Variants in LTBP4 observed in about 807,000 individuals in gnomAD.
The protein encoded by LTBP4 is latent transforming growth factor beta binding protein 4, also known as latent-transforming growth factor beta-binding protein 4.
A neutral mutation model predicts 180.2 loss-of-function variants in LTBP4; 93 were observed. That is an observed-to-expected ratio of 0.52 (90% CI 0.44 to 0.61). The LOEUF (loss-of-function observed/expected upper bound fraction) is 0.61. Ranked by LOEUF, LTBP4 falls within the 20% of genes least tolerant of loss-of-function variation. The pLI, the probability that LTBP4 is intolerant of heterozygous loss-of-function variation, is 0.00. For synonymous variants in LTBP4, 947 were observed against 934.5 expected, an observed-to-expected ratio of 1.01 and a Z score of -0.24; for missense variants, 2,116 against 2,256.5, an observed-to-expected ratio of 0.94 and a Z score of 1.26.
intron 22 of LTBP4, 30 bp downstream of exon 22, chr19:40,619,523 G>A (rs371641114): frequency 5.7e-6 from 9 of 1,573,254 alleles, no homozygotes; most frequent in Non-Finnish European, 7.8e-6. Context: ...TTAACTGATG[G>A]CGGCTGGCCC....
At chr19:40,606,561 G>T in intron 6 of LTBP4, 35 bp downstream of exon 6, 1 of 1,471,588 alleles carries the variant, frequency 6.8e-7, no homozygotes. Flanking sequence ...GCTGGGTCCC[G>T]CCCTCCCTGC....
At position 40,611,497 on chromosome 19, in the gene LTBP4, A is replaced by G. The variant is rs1213921037; in HGVS notation, c.2053+103A>G. 2 of 1,478,848 alleles carry G rather than the reference A, an allele frequency of 1.4e-6. No individual in the cohort carries two copies. Among genetic ancestry groups the G allele is most frequent in the Non-Finnish European group, 1.8e-6 (2 of 1,109,808 alleles). 91.6% of individuals were successfully genotyped at this position (1,478,848 alleles called of 1,614,324 possible). ...GCAGAGTGATGGGGCTCAGGGATGG[A>G]GAACAGGGGCTGAGGGATGGGGACC... On this transcript the variant is annotated intron_variant, in intron 13 of 29. Coordinates refer to ENST00000396819, the MANE Select transcript of LTBP4 (RefSeq NM_001042545.2). This position sits in a 1 kb window ranked among gnomAD's most constrained non-coding sequence, Gnocchi z 4.4.
At chr19:40,625,277 TATATATATATATATATATA>T (rs2081619097) in intron 26 of LTBP4, among the ~76,000 whole-genome samples, 8 of 7,686 alleles carry the variant, frequency 1.0e-3, no homozygotes, top group African/African-American at 3.1e-3. Flanking sequence ...TATATATATA[TATATATATATATATATATA>T]TATATATATA....
In LTBP4 at chr19:40,623,748, C is replaced by T; in HGVS notation, c.3685+16C>T. 6.2e-7 allele frequency: 1 copy of T among 1,613,354 alleles called. No individual in the cohort carries two copies. The highest frequency in any genetic ancestry group is 8.5e-7 in the Non-Finnish European group (1 of 1,179,426). ...GAGTGCATCGGTACAAGCCCCACCT[C>T]CCCCAACCCCCGGCAACTCTCTCCA... On this transcript the variant is annotated intron_variant, in intron 25 of 29. Coordinates refer to ENST00000396819, the MANE Select transcript of LTBP4 (RefSeq NM_001042545.2).
At chr19:40,604,818 G>T (rs1342839133) in intron 1 of LTBP4, among the ~76,000 whole-genome samples, 1 of 152,194 alleles carries the variant, frequency 6.6e-6, no homozygotes, top group Non-Finnish European at 1.5e-5. Context: ...TCCAGCCTGG[G>T]CAATAGAGCG....
At chr19:40,608,395 T>A (rs2081479328) in intron 8 of LTBP4, 26 bp downstream of exon 8, 1 of 1,608,980 alleles carries the variant, frequency 6.2e-7, no homozygotes, top group Non-Finnish European at 8.5e-7. Flanking sequence ...CAGAAGTGGG[T>A]GCCATCTTCA....
In LTBP4 at chr19:40,610,610, T is replaced by C. The variant is rs760497129; in HGVS notation, c.1763T>C (p.Val588Ala). The C allele has an allele frequency of 2.5e-6, 4 of 1,588,786 alleles. No individual in the cohort carries two copies. The highest frequency in any genetic ancestry group is 3.4e-6 in the Non-Finnish European group (4 of 1,174,700). The change falls in exon 12 of 30, where the codon GTG becomes GCG. Residue 588 changes from valine to alanine, a missense_variant. By Grantham distance (64) the Val-to-Ala change is moderately conservative (BLOSUM62 0). Around this residue, in one of 5 missense-constraint regions of LTBP4, gnomAD observed 877 missense variants for 873.6 expected, o/e 1.00. Transcript: ENST00000396819. ...AACACGCCAGGCAGCTTCCTGTGCGTGTGCCCCGCCGGGTACCAGGCTGCA... is the reference window on the plus strand; with the variant it reads ...AACACGCCAGGCAGCTTCCTGTGCGCGTGCCCCGCCGGGTACCAGGCTGCA... ...CENTPGSFLC[V>A]CPAGYQAAPH...
In LTBP4 at chr19:40,622,058, A is replaced by G. The variant is rs1169511921; in HGVS notation, c.3218-343A>G. On this transcript the variant is annotated intron_variant, in intron 22 of 29. Transcript: ENST00000396819. The surrounding 1 kb of genome is among the most constrained non-coding windows in gnomAD (Gnocchi z 5.1). ...GCCACTGCACCTGGCGACAAATTGT[A>G]GGTTTTGAGATGAAGACTCAGCCAG... Among the ~76,000 whole-genome samples, 2 of 152,108 alleles carry G rather than the reference A, an allele frequency of 1.3e-5. No individual in the cohort carries two copies. Among genetic ancestry groups the G allele is most frequent in the Non-Finnish European group, 2.9e-5 (2 of 68,016 alleles).
intron 26 of LTBP4, among the ~76,000 whole-genome samples, chr19:40,624,581 TAG>T (rs2081611197): frequency 6.6e-6 from 1 of 152,224 alleles, no homozygotes; most frequent in Non-Finnish European, 1.5e-5. Flanking sequence ...TTTTCTTTAG[TAG>T]AGACAGGGTT....
Position 40,614,002 on chromosome 19 carries a change from G to A in LTBP4, c.2644G>A (p.Gly882Arg). 4 of 1,613,478 alleles carry A rather than the reference G, an allele frequency of 2.5e-6. No individual in the cohort carries two copies. Among genetic ancestry groups the A allele is most frequent in the Non-Finnish European group, 3.4e-6 (4 of 1,179,750 alleles). ...DGSFECICPP[G>R]HRAGPDLASC... is the part of the protein sequence containing the mutation. Reference sequence around the variant, plus strand: ...CTCCTTCGAGTGCATCTGTCCTCCGGGACACCGCGCTGGCCCGGACCTCGC... The same window carrying A: ...CTCCTTCGAGTGCATCTGTCCTCCGAGACACCGCGCTGGCCCGGACCTCGC... Residue 882 changes from glycine to arginine, a missense_variant, in exon 18 of 30, where the codon GGA becomes AGA. By Grantham distance (125) the Gly-to-Arg change is moderately radical (BLOSUM62 -2). Around this residue, in one of 5 missense-constraint regions of LTBP4, gnomAD observed 877 missense variants for 873.6 expected, o/e 1.00. Coordinates refer to ENST00000396819, the MANE Select transcript of LTBP4 (RefSeq NM_001042545.2).
In LTBP4 at chr19:40,624,044, C is replaced by T. The variant is rs768344817; in HGVS notation, c.3794C>T (p.Ser1265Leu). 5 of 1,593,744 alleles carry T rather than the reference C, an allele frequency of 3.1e-6. No homozygotes were observed. The highest frequency in any genetic ancestry group is 4.3e-6 in the Non-Finnish European group (5 of 1,167,232). Residue 1265 changes from serine to leucine, a missense_variant, in exon 26 of 30, where the codon TCG becomes TTG. By Grantham distance (145) the Ser-to-Leu change is moderately radical (BLOSUM62 -2). This residue lies in a region of LTBP4 where 488 missense variants were observed against 458.8 expected (regional missense o/e 1.06). Coordinates refer to ENST00000396819, the MANE Select transcript of LTBP4 (RefSeq NM_001042545.2). ...GAGCCCCCACTGGTGCTGGATGGCT[C>T]GCAGCGCCGCTGCGTCTCCAACGAG... ...TCEPPLVLDG[S>L]QRRCVSNESQ...
At position 40,608,516 on chromosome 19, in the gene LTBP4, CCT is replaced by C; in HGVS notation, c.1340_1341del (p.Pro447ArgfsTer11). ...GCCCACCCATCGCCTGGAGCCCCGG[CCT>C]GAACCCCGGCCCGATCCCCGGCCCG... is the stretch of plus-strand genomic sequence containing the variant. ...FLPTHRLEPR[P>X]EPRPDPRPGP... On this transcript the variant is annotated frameshift_variant, in exon 9 of 30. Transcript: ENST00000396819. LOFTEE classifies it high-confidence loss of function. 1 of 1,606,854 alleles carries C rather than the reference CCT, an allele frequency of 6.2e-7. No individual in the cohort carries two copies. The highest frequency in any genetic ancestry group is 8.5e-7 in the Non-Finnish European group (1 of 1,176,944).
upstream of LTBP4, chr19:40,600,200 C>A: frequency 1.6e-6 from 2 of 1,216,236 alleles, no homozygotes; most frequent in South Asian, 4.1e-5. This position sits in a 1 kb window ranked among gnomAD's most constrained non-coding sequence, Gnocchi z 4.4. Context: ...GCCTTTCCTC[C>A]GCCTGGGGCG....
chr19:40,607,155 A>G (rs1402822463), intron 6 of LTBP4, among the ~76,000 whole-genome samples: 1 of 151,800 alleles, frequency 6.6e-6, no homozygotes, highest in Non-Finnish European at 1.5e-5. Flanking sequence ...TCTCTCATTC[A>G]CCACTGACAC....
At chr19:40,616,736 A>G (rs2081551636) in intron 19 of LTBP4, among the ~76,000 whole-genome samples, 153 bp from the exon 20 acceptor site, 2 of 152,252 alleles carry the variant, frequency 1.3e-5, no homozygotes, top group South Asian at 4.1e-4. Context: ...TCTCAAAGAA[A>G]AAACAAAGTT....
Position 40,617,259 on chromosome 19 carries a change from G to C in LTBP4, c.3070+34G>C, listed in dbSNP as rs372458729. ...CTTCAGGAGGTGGATGGGACCAAAGGGGGTGGGGGAGGTTGGTCAGGCCCT... is the reference window on the plus strand; with the variant it reads ...CTTCAGGAGGTGGATGGGACCAAAGCGGGTGGGGGAGGTTGGTCAGGCCCT... On this transcript the variant is annotated intron_variant, in intron 21 of 29. Transcript: ENST00000396819. The C allele has an allele frequency of 1.1e-5, 17 of 1,598,334 alleles. No individual in the cohort carries two copies. The East Asian group carries it at 2.7e-4, about 25-fold the overall frequency.
At position 40,622,979 on chromosome 19, in the gene LTBP4, C is replaced by A. The variant is rs746976523; in HGVS notation, c.3514C>A (p.Arg1172=). 2 of 1,613,084 alleles carry A rather than the reference C, an allele frequency of 1.2e-6. No individual in the cohort carries two copies. The highest frequency in any genetic ancestry group is 8.5e-7 in the Non-Finnish European group (1 of 1,179,600). Residue 1172 remains arginine, a synonymous_variant, in exon 24 of 30, where the codon CGG becomes AGG. Coordinates refer to ENST00000396819, the MANE Select transcript of LTBP4 (RefSeq NM_001042545.2). The surrounding 1 kb of genome is among the most constrained non-coding windows in gnomAD (Gnocchi z 5.1). ...GTACCAGTCATTGTGCCCTCACGGC[C>A]GGGGCTACCTGGCGCCCAGTGGAGA... The part of the protein sequence containing the change: ...AEYQSLCPHG[R]GYLAPSGDLS...
Position 40,622,443 on chromosome 19 carries a change from T to C in LTBP4, c.3260T>C (p.Val1087Ala). 6.3e-7 allele frequency: 1 copy of C among 1,592,588 alleles called. No homozygotes were observed. Among genetic ancestry groups the C allele is most frequent in the Non-Finnish European group, 8.6e-7 (1 of 1,168,140 alleles). The change falls in exon 23 of 30, where the codon GTT (valine) becomes GCT (alanine). Residue 1087 changes from valine to alanine, a missense_variant. Around this residue, in one of 5 missense-constraint regions of LTBP4, gnomAD observed 278 missense variants for 373.0 expected, o/e 0.75. Coordinates refer to ENST00000396819, the MANE Select transcript of LTBP4 (RefSeq NM_001042545.2). This position sits in a 1 kb window ranked among gnomAD's most constrained non-coding sequence, Gnocchi z 5.1. ...CAGCCCCAGGCACCTGCTAGCCCCG[T>C]TCTGCCCGCCAGGCCACCTCCGCCA... Reference protein sequence around the residue: ...GSQPQAPASPVLPARPPPPPL... With the variant: ...GSQPQAPASPALPARPPPPPL...
Position 40,625,316 on chromosome 19 carries a change from ATTTT to A in LTBP4, c.3833-533_3833-530del, listed in dbSNP as rs1162232222. ...TATATATATATATATATATATATATATTTTTTTTTTTAAAGATGGGTTTTTGCCA... is the reference window on the plus strand; with the variant it reads ...TATATATATATATATATATATATATATTTTTTTAAAGATGGGTTTTTGCCA... On this transcript the variant is annotated intron_variant, in intron 26 of 29. Coordinates refer to ENST00000396819, the MANE Select transcript of LTBP4 (RefSeq NM_001042545.2). Among the ~76,000 whole-genome samples, 12 of 21,932 alleles carry A rather than the reference ATTTT, an allele frequency of 5.5e-4. No individual in the cohort carries two copies. In the East Asian group the frequency reaches 0.012, roughly 22 times the overall value. The allele number at this position is 21,932 out of a possible 152,430, so 14.4% of individuals were successfully genotyped here. A position where few individuals can be genotyped will look rare whatever the true frequency, so the allele number is the denominator to read the frequency against.
Sources: allele counts gnomAD v4.1 joint callset (sites outside exome capture counted in the v4.1 genomes callset), GRCh38; gene constraint gnomAD v4.1.1; regional missense constraint gnomAD v4.1.1; non-coding constraint Gnocchi (gnomAD v3.1); transcripts MANE v1.5; gene names NCBI Gene and HGNC (gene_info 2026-07-23, HGNC 2026-07-21).